GSE1: variants seen among roughly 807,000 people sequenced by gnomAD.
The protein encoded by GSE1 is genetic suppressor element 1.
GSE1 carries 32 observed loss-of-function variants against 112.6 expected under a neutral mutation model. The ratio of observed to expected loss-of-function variants is 0.28; its 90% CI spans 0.21 to 0.38. The LOEUF (loss-of-function observed/expected upper bound fraction) is 0.38. Ranked by LOEUF, GSE1 falls within the 10% of genes least tolerant of loss-of-function variation. The pLI is 1.00. For synonymous variants in GSE1, 1,115 were observed against 735.6 expected (o/e 1.52, Z -8.35); for missense variants, 2,348 against 1,699.2 (o/e 1.38, Z -6.71).
chr16:85,499,021 C>T (rs983939914), intron 2 of GSE1, among the ~76,000 whole-genome samples: 1 of 152,222 alleles, frequency 6.6e-6, no homozygotes, highest in African/African-American at 2.4e-5. Context: ...ATGGGACCTG[C>T]ATTTGGTGGA....
chr16:85,590,118 G>C (rs1567621817), intron 1 of GSE1, among the ~76,000 whole-genome samples: 1 of 152,156 alleles, frequency 6.6e-6, no homozygotes, highest in Non-Finnish European at 1.5e-5. Context: ...TTGTGCAATT[G>C]AACGTGTGTG....
At chr16:85,578,032 T>C (rs1030081938) in intron 1 of GSE1, among the ~76,000 whole-genome samples, 21 of 152,248 alleles carry the variant, frequency 1.4e-4, no homozygotes, top group African/African-American at 5.1e-4. Flanking sequence ...GTTGGGAGGC[T>C]GCAGCCTTTG....
chr16:85,209,738 A>AGGCC (rs1477626394), intron 1 of GSE1, among the ~76,000 whole-genome samples: 1 of 152,236 alleles, frequency 6.6e-6, no homozygotes, highest in East Asian at 1.9e-4. Context: ...AGAGTCTGGC[A>AGGCC]GGCCGCCTGA....
intron 1 of GSE1, among the ~76,000 whole-genome samples, chr16:85,267,648 C>T (rs1279614772): frequency 6.6e-6 from 1 of 152,172 alleles, no homozygotes; most frequent in Non-Finnish European, 1.5e-5. Flanking sequence ...CCCTTGTTCC[C>T]AGCTATACTC....
intron 1 of GSE1, among the ~76,000 whole-genome samples, chr16:85,223,086 G>A (rs906965010): frequency 1.3e-5 from 2 of 152,182 alleles, no homozygotes; most frequent in Non-Finnish European, 2.9e-5. Context: ...GGCCGGCGGA[G>A]TCAAGGCTGC....
At chr16:85,240,444 C>T (rs1905082525) in intron 1 of GSE1, among the ~76,000 whole-genome samples, 1 of 152,260 alleles carries the variant, frequency 6.6e-6, no homozygotes, top group South Asian at 2.1e-4. Context: ...CCGACCCCTG[C>T]ATTCCTCATC....
chr16:85,438,648 C>A (rs1597756127), intron 2 of GSE1, among the ~76,000 whole-genome samples: 1 of 152,326 alleles, frequency 6.6e-6, no homozygotes, highest in Admixed American at 6.5e-5. Context: ...GCTTCCAGAG[C>A]CTGCGTGTCC....
intron 1 of GSE1, among the ~76,000 whole-genome samples, chr16:85,295,768 CTTTT>C (rs71151276): frequency 2.3e-5 from 3 of 133,072 alleles, no homozygotes; most frequent in African/African-American, 2.8e-5. Context: ...TAATTCGTAA[CTTTT>C]TTTTTTTTTT....
intron 2 of GSE1, among the ~76,000 whole-genome samples, chr16:85,494,694 A>AT (rs1264821716): frequency 2.6e-5 from 4 of 152,146 alleles, no homozygotes; most frequent in Admixed American, 6.5e-5. Context: ...ATGAGCAACT[A>AT]CACCTGGCCC....
At chr16:85,215,052 T>C (rs892564220) in intron 1 of GSE1, among the ~76,000 whole-genome samples, 21 of 152,144 alleles carry the variant, frequency 1.4e-4, no homozygotes, top group Admixed American at 8.5e-4. Flanking sequence ...GTCCAGAGCC[T>C]TGGGGAGTAG....
intron 1 of GSE1, among the ~76,000 whole-genome samples, chr16:85,191,507 A>G (rs1178423491): frequency 2.6e-5 from 4 of 152,160 alleles, no homozygotes. Flanking sequence ...AAGTTCAGAG[A>G]GGAATGAAGG....
chr16:85,564,225 A>G (rs1465781770), intron 1 of GSE1, among the ~76,000 whole-genome samples: 1 of 152,188 alleles, frequency 6.6e-6, no homozygotes, highest in Non-Finnish European at 1.5e-5. Context: ...CTTTGGAAGT[A>G]TGGAGCTTCG....
chr16:85,390,762 C>T (rs1330701556), intron 2 of GSE1, among the ~76,000 whole-genome samples: 9 of 150,676 alleles, frequency 6.0e-5, no homozygotes, highest in African/African-American at 2.2e-4. Flanking sequence ...GCCCGAACCC[C>T]GTGCTGGCCT....
intron 1 of GSE1, among the ~76,000 whole-genome samples, chr16:85,340,843 T>C (rs1362447625): frequency 1.3e-5 from 2 of 152,166 alleles, no homozygotes; most frequent in African/African-American, 2.4e-5. Context: ...GAGGGTGGGC[T>C]GGAGCCCTGA....
chr16:85,486,668 G>T (rs1339938928), intron 2 of GSE1, among the ~76,000 whole-genome samples: 1 of 152,126 alleles, frequency 6.6e-6, no homozygotes, highest in Non-Finnish European at 1.5e-5. Flanking sequence ...GGCGAGGATG[G>T]TGGGAGCGCC....
chr16:85,608,202 G>C (rs2047796986), upstream of GSE1, among the ~76,000 whole-genome samples: 1 of 152,292 alleles, frequency 6.6e-6, no homozygotes, highest in East Asian at 1.9e-4. Flanking sequence ...TCTAAGTGGT[G>C]GGGGCTTGCA....
intron 1 of GSE1, among the ~76,000 whole-genome samples, chr16:85,582,621 C>G (rs775834218): frequency 1.9e-4 from 29 of 152,182 alleles, no homozygotes; most frequent in Non-Finnish European, 2.6e-4. Context: ...AGCTGACACC[C>G]AGTTCCCCCT....
At chr16:85,435,430 T>A (rs1220125504) in intron 2 of GSE1, among the ~76,000 whole-genome samples, 1 of 151,726 alleles carries the variant, frequency 6.6e-6, no homozygotes, top group Non-Finnish European at 1.5e-5. Flanking sequence ...ACCTGCACCC[T>A]CCCTCCCTCT....
At chr16:85,562,459 C>CT (rs2045565710) in intron 1 of GSE1, among the ~76,000 whole-genome samples, 1 of 151,358 alleles carries the variant, frequency 6.6e-6, no homozygotes, top group African/African-American at 2.4e-5. Context: ...GCTGGAAACT[C>CT]TCTTCTTATC....
Sources: allele counts gnomAD v4.1 joint callset (sites outside exome capture counted in the v4.1 genomes callset), GRCh38; gene constraint gnomAD v4.1.1; transcripts MANE v1.5; gene names NCBI Gene and HGNC (gene_info 2026-07-23, HGNC 2026-07-21).